ATG16L2: variants seen among roughly 807,000 people sequenced by gnomAD.
ATG16L2 encodes the protein autophagy related 16 like 2.
Under a neutral mutation model 84.7 loss-of-function variants are expected in ATG16L2, and 77 were observed. The observed-to-expected ratio is 0.91, with a 90% CI of 0.76 to 1.10. The LOEUF (loss-of-function observed/expected upper bound fraction) is 1.10, where lower values mean the gene tolerates loss of function less well. ATG16L2 is among the 50% of genes least tolerant of loss of function. The pLI, the probability that ATG16L2 is intolerant of heterozygous loss-of-function variation, is 0.00. For synonymous variants in ATG16L2, 361 were observed against 342.8 expected (o/e 1.05, Z -0.59); for missense variants, 782 against 817.6 (o/e 0.96, Z 0.53).
chr11:72,827,781 A>G (rs1446289025), intron 14 of ATG16L2, among the ~76,000 whole-genome samples: 3 of 152,156 alleles, frequency 2.0e-5, no homozygotes, highest in Non-Finnish European at 4.4e-5. Flanking sequence ...TCTACTAAAA[A>G]TATTAGCCGG....
intron 5 of ATG16L2, chr11:72,837,115 G>A (rs1201731306): frequency 3.9e-5 from 6 of 152,080 alleles, no homozygotes; most frequent in Non-Finnish European, 7.4e-5. Context: ...TTTTTAATAT[G>A]TTAGCAAACT....
In ATG16L2 at chr11:72,822,558, G is replaced by GGGCC. The variant is rs1309577581; in HGVS notation, c.710+18_710+21dup. 1.2e-6 allele frequency: 2 copies of GGGCC among 1,611,312 alleles called. No individual in the cohort carries two copies. The highest frequency in any genetic ancestry group is 1.7e-6 in the Non-Finnish European group (2 of 1,178,916). On this transcript the variant is annotated intron_variant, in intron 6 of 17. Transcript: ENST00000321297. This position sits in a 1 kb window ranked among gnomAD's most constrained non-coding sequence, Gnocchi z 4.2. The stretch of plus-strand genomic sequence containing the variant: ...AGCATCAGCGAGTAAGAGTGGGGAT[G>GGGCC]GGCCGGTCCGACCCTTGCGTTCTGC...
chr11:72,840,226 G>A (rs1288718496), intron 5 of ATG16L2, among the ~76,000 whole-genome samples: 1 of 152,082 alleles, frequency 6.6e-6, no homozygotes, highest in Non-Finnish European at 1.5e-5. Context: ...GTCTCATTTG[G>A]GATAAAGACT....
intron 13 of ATG16L2, 65 bp from the exon 14 acceptor site, chr11:72,827,123 T>G: frequency 1.6e-6 from 2 of 1,289,560 alleles, no homozygotes; most frequent in Admixed American, 1.8e-5. Flanking sequence ...CTTCTCCATA[T>G]GTCCTGTGGG....
chr11:72,823,294 C>T (rs572970418), intron 7 of ATG16L2: 161 of 336,842 alleles, frequency 4.8e-4, no homozygotes, highest in African/African-American at 3.3e-3. Flanking sequence ...GGCATGTGTG[C>T]GCAGCCATAG....
exon 6 of ATG16L2, chr11:72,842,701 T>C: frequency 1.9e-6 from 3 of 1,614,038 alleles, no homozygotes; most frequent in African/African-American, 1.3e-5. Flanking sequence ...AAAACTCCAA[T>C]ACGCCCATTG....
At chr11:72,843,404 C>T (rs1465060035) in exon 6 of ATG16L2, 1 of 1,607,808 alleles carries the variant, frequency 6.2e-7, no homozygotes, top group East Asian at 2.2e-5. Context: ...AAAACAAACT[C>T]CTAAAAATGT....
chr11:72,821,840 T>C (rs911732291), intron 4 of ATG16L2, 99 bp downstream of exon 4: 3 of 1,463,932 alleles, frequency 2.0e-6, no homozygotes, highest in African/African-American at 2.8e-5. Flanking sequence ...CCGAGATCTT[T>C]CCCTACGTCC....
intron 3 of ATG16L2, chr11:72,821,060 G>C: frequency 3.9e-6 from 1 of 256,774 alleles, no homozygotes; most frequent in Non-Finnish European, 6.1e-6. Context: ...AGCAGGGAGG[G>C]GTGGGGAACA....
In ATG16L2 at chr11:72,826,551, G is replaced by A; in HGVS notation, c.1207G>A (p.Ala403Thr). ...YQVLAATYNQ[A>T]AQLWKVGEAQ... ...GGTTTTAGCAGCAACTTACAACCAG[G>A]CTGCCCAGCTCTGGAAGGTGGGGGA... The change falls in exon 12 of 18, where the codon GCT becomes ACT. Residue 403 changes from alanine to threonine, a missense_variant. By Grantham distance (58) the Ala-to-Thr change is moderately conservative. Coordinates refer to ENST00000321297, the MANE Select transcript of ATG16L2 (RefSeq NM_033388.2). 6.2e-7 allele frequency: 1 copy of A among 1,614,102 alleles called. No homozygotes were observed. Among genetic ancestry groups the A allele is most frequent in the Non-Finnish European group, 8.5e-7 (1 of 1,179,998 alleles).
rs370497449 is a variant in ATG16L2, at chr11:72,823,472, T to C, written c.824+511T>C. The C allele has an allele frequency of 1.9e-5, 7 of 363,004 alleles. No individual in the cohort carries two copies. The East Asian group carries it at 2.9e-4, about 15-fold the overall frequency. 22.5% of individuals were successfully genotyped at this position (363,004 alleles called of 1,614,324 possible). A position where few individuals can be genotyped will look rare whatever the true frequency, so the allele number is the denominator to read the frequency against. ...GTGCCTGTCCGCAGGGTCTCCTCCA[T>C]CCTTCTTGATTTGCCTGTCATTGAG... On this transcript the variant is annotated intron_variant, in intron 7 of 17. Coordinates refer to ENST00000321297, the MANE Select transcript of ATG16L2 (RefSeq NM_033388.2).
intron 3 of ATG16L2, 65 bp from the exon 4 acceptor site, chr11:72,821,603 G>A: frequency 6.6e-7 from 1 of 1,503,818 alleles, no homozygotes; most frequent in Non-Finnish European, 8.8e-7. Flanking sequence ...TAGCGCCTTC[G>A]GCCCCGGAGG....
At chr11:72,828,674 G>C (rs994689667) in intron 15 of ATG16L2, 55 bp from the exon 16 acceptor site, 45 of 1,609,236 alleles carry the variant, frequency 2.8e-5, no homozygotes, top group Non-Finnish European at 3.1e-5. Flanking sequence ...GCTCACTGCA[G>C]AGGGCAGAGA....
intron 3 of ATG16L2, 37 bp from the exon 4 acceptor site, chr11:72,821,623 CCTGGAGGG>C (rs1859997668): frequency 2.6e-6 from 4 of 1,516,534 alleles, no homozygotes; most frequent in Non-Finnish European, 3.5e-6. Context: ...GGACTGGAGG[CCTGGAGGG>C]GCCTCAGCGC....
chr11:72,817,213 T>A (rs1300832798), intron 2 of ATG16L2, among the ~76,000 whole-genome samples: 3 of 151,936 alleles, frequency 2.0e-5, no homozygotes, highest in Non-Finnish European at 4.4e-5. Context: ...CAGGAATAGG[T>A]TGGGGCTCAG....
chr11:72,831,527 T>A (rs1248487119), downstream of ATG16L2, among the ~76,000 whole-genome samples: 1 of 152,168 alleles, frequency 6.6e-6, no homozygotes, highest in Non-Finnish European at 1.5e-5. Context: ...AATTCTCTTA[T>A]TCAAGGACTC....
At chr11:72,816,496 C>T in intron 1 of ATG16L2, 1 of 502,058 alleles carries the variant, frequency 2.0e-6, no homozygotes, top group Non-Finnish European at 3.6e-6. Context: ...GAGAGCAGGT[C>T]CTCTTCCACG....
chr11:72,822,339 C>G lies in ATG16L2; in HGVS notation c.644+44C>G. Reference sequence around the variant, plus strand: ...CCCCTCCTGAGGAAAGGCCCCGCCCCTGCAGGGAGGAGTCGGGCCTCGCCG... The same window carrying G: ...CCCCTCCTGAGGAAAGGCCCCGCCCGTGCAGGGAGGAGTCGGGCCTCGCCG... On this transcript the variant is annotated intron_variant, in intron 5 of 17. Coordinates refer to ENST00000321297, the MANE Select transcript of ATG16L2 (RefSeq NM_033388.2). This position sits in a 1 kb window ranked among gnomAD's most constrained non-coding sequence, Gnocchi z 4.2. 3 of 1,539,988 alleles carry G rather than the reference C, an allele frequency of 1.9e-6. No individual in the cohort carries two copies.
At chr11:72,824,346 G>T (rs909606809) in intron 8 of ATG16L2, 1 of 598,036 alleles carries the variant, frequency 1.7e-6, no homozygotes, top group Non-Finnish European at 3.0e-6. Context: ...CTTCATCCAA[G>T]GTCGTCACAG....
Sources: allele counts gnomAD v4.1 joint callset (sites outside exome capture counted in the v4.1 genomes callset), GRCh38; gene constraint gnomAD v4.1.1; non-coding constraint Gnocchi (gnomAD v3.1); transcripts MANE v1.5; gene names NCBI Gene and HGNC (gene_info 2026-07-23, HGNC 2026-07-21).